Variants in SPRY3 observed in about 807,000 individuals in gnomAD.
The protein encoded by SPRY3 is protein sprouty homolog 3.
In SPRY3, 15 loss-of-function variants were observed where a neutral mutation model predicts 20.2. That is an observed-to-expected ratio of 0.74 (90% CI 0.50 to 1.14). SPRY3 has a LOEUF of 1.14. Among genes scored for constraint, SPRY3 ranks in the 50% most tolerant of loss-of-function variants. The pLI is 0.00. For missense variants in SPRY3, 364 were observed against 363.9 expected (o/e 1.00, Z 0.00); for synonymous variants, 143 against 136.5 (o/e 1.05, Z -0.33).
Position 155,695,416 on chromosome X carries a change from T to C in SPRY3, c.-282+38391T>C, listed in dbSNP as rs2068115680. The stretch of plus-strand genomic sequence containing the variant: ...CTAGATGCTTTTAAGATTTTCTTTT[T>C]TTTGGTTTTCGGTAGTTTGGTTATA... On this transcript the variant is annotated intron_variant, in intron 2 of 3. Coordinates refer to ENST00000675360, the Ensembl canonical transcript of SPRY3. Among the ~76,000 whole-genome samples, 2 of 111,361 alleles carry C rather than the reference T, an allele frequency of 1.8e-5. 1 individual carries two copies. The highest frequency in any genetic ancestry group is 7.5e-4 in the South Asian group (2 of 2,672).
At chrX:155,716,199 C>T (rs371140758) in intron 2 of SPRY3, among the ~76,000 whole-genome samples, 1 of 152,100 alleles carries the variant, frequency 6.6e-6, no homozygotes, top group Non-Finnish European at 1.5e-5. Flanking sequence ...TAGATAATTT[C>T]TATCACTCTG....
intron 2 of SPRY3, among the ~76,000 whole-genome samples, chrX:155,758,296 A>T: frequency 6.6e-6 from 1 of 152,182 alleles, no homozygotes. Context: ...CAGATAAGGA[A>T]AATAGGGCCT....
chrX:155,678,360 A>G (rs1234860485), intron 2 of SPRY3, among the ~76,000 whole-genome samples: 4 of 112,153 alleles, frequency 3.6e-5, no homozygotes, highest in African/African-American at 1.3e-4. Context: ...ATTGCAGTAG[A>G]ATGACTCCAG....
intron 2 of SPRY3, among the ~76,000 whole-genome samples, chrX:155,722,653 G>A (rs1157034677): frequency 6.6e-6 from 1 of 151,894 alleles, no homozygotes; most frequent in Non-Finnish European, 1.5e-5. Flanking sequence ...ATAACAAAAT[G>A]ACAGGAGTAA....
intron 2 of SPRY3, among the ~76,000 whole-genome samples, chrX:155,713,341 G>A (rs1295303406): frequency 6.6e-6 from 1 of 151,976 alleles, no homozygotes; most frequent in Non-Finnish European, 1.5e-5. Flanking sequence ...GCCCATTAAT[G>A]TCTTTTTCTT....
At chrX:155,714,930 C>G (rs1454659199) in intron 2 of SPRY3, among the ~76,000 whole-genome samples, 1 of 152,050 alleles carries the variant, frequency 6.6e-6, no homozygotes, top group Non-Finnish European at 1.5e-5. Flanking sequence ...CTTCCATCAG[C>G]TTATGGTGAA....
At chrX:155,751,720 A>AT (rs35654209) in intron 2 of SPRY3, among the ~76,000 whole-genome samples, 86,685 of 151,200 alleles carry the variant, frequency 0.57, 25,383 homozygotes, top group African/African-American at 0.79. Context: ...TTGCCAAAAT[A>AT]TTTCCCCTTA....
intron 2 of SPRY3, among the ~76,000 whole-genome samples, chrX:155,734,180 C>T (rs890852649): frequency 6.6e-6 from 1 of 152,092 alleles, no homozygotes; most frequent in Non-Finnish European, 1.5e-5. Context: ...GTCTTTTTTA[C>T]TAAGCTTTAT....
intron 2 of SPRY3, among the ~76,000 whole-genome samples, chrX:155,765,232 G>A (rs1019696923): frequency 6.6e-6 from 1 of 152,010 alleles, no homozygotes; most frequent in Admixed American, 6.6e-5. Flanking sequence ...ATCCCTGAAG[G>A]GATTTGCAGA....
At chrX:155,637,105 A>G (rs1557351117) in intron 1 of SPRY3, among the ~76,000 whole-genome samples, 1 of 106,686 alleles carries the variant, frequency 9.4e-6, no homozygotes, top group Non-Finnish European at 1.9e-5. Context: ...TAATGGGTGC[A>G]GCACACCAGC....
chrX:155,774,947 T>A (rs2091414402), exon 4 of SPRY3: 9 of 622,818 alleles, frequency 1.4e-5, no homozygotes, highest in Non-Finnish European at 2.3e-5. Context: ...CTCTTCAGTC[T>A]TTACACCCTG....
chrX:155,676,866 A>T (rs375119244), intron 2 of SPRY3, among the ~76,000 whole-genome samples: 5 of 111,277 alleles, frequency 4.5e-5, no homozygotes, highest in East Asian at 2.9e-4. Flanking sequence ...AGGCCTCGTA[A>T]TACTATCACA....
chrX:155,673,676 T>TCACCACAC (rs2068051042), intron 2 of SPRY3, among the ~76,000 whole-genome samples: 1 of 112,243 alleles, frequency 8.9e-6, no homozygotes, highest in African/African-American at 3.2e-5. Flanking sequence ...CTCCTTGGAA[T>TCACCACAC]TTTTCTATTT....
intron 2 of SPRY3, among the ~76,000 whole-genome samples, chrX:155,760,358 G>A (rs2091299227): frequency 6.6e-6 from 1 of 152,158 alleles, no homozygotes; most frequent in Admixed American, 6.5e-5. Flanking sequence ...CAAGGCCTTA[G>A]CATAAGGATT....
intron 2 of SPRY3, among the ~76,000 whole-genome samples, chrX:155,715,952 T>G (rs1404474182): frequency 6.6e-6 from 1 of 152,104 alleles, no homozygotes; most frequent in Non-Finnish European, 1.5e-5. Flanking sequence ...GGAGGAGGGG[T>G]GGCATCAATG....
intron 1 of SPRY3, among the ~76,000 whole-genome samples, chrX:155,626,663 A>G (rs1192896956): frequency 4.5e-5 from 5 of 112,116 alleles, no homozygotes; most frequent in African/African-American, 1.6e-4. Flanking sequence ...GTTTCTTCTA[A>G]GAGTTTTATA....
chrX:155,626,279 T>A (rs1173597278), intron 1 of SPRY3, among the ~76,000 whole-genome samples: 1 of 111,785 alleles, frequency 8.9e-6, no homozygotes, highest in Non-Finnish European at 1.9e-5. Context: ...ATAGTTTAGA[T>A]TTTTATTTCT....
chrX:155,751,914 C>A (rs2091263700), intron 2 of SPRY3, among the ~76,000 whole-genome samples: 1 of 110,084 alleles, frequency 9.1e-6, no homozygotes, highest in Admixed American at 9.6e-5. Flanking sequence ...AAAAGGAAAG[C>A]AAGGGAAGGG....
At chrX:155,729,946 A>G (rs766370041) in intron 2 of SPRY3, among the ~76,000 whole-genome samples, 43 of 152,260 alleles carry the variant, frequency 2.8e-4, no homozygotes, top group African/African-American at 1.0e-3. Context: ...AATAAATTGG[A>G]AAATCTAGAA....
Sources: allele counts gnomAD v4.1 joint callset (sites outside exome capture counted in the v4.1 genomes callset), GRCh38; gene constraint gnomAD v4.1.1; transcripts MANE v1.5; gene names NCBI Gene and HGNC (gene_info 2026-07-23, HGNC 2026-07-21).